FNBP1: variants seen among roughly 807,000 people sequenced by gnomAD.
FNBP1 encodes the protein formin-binding protein 1.
FNBP1 carries 26 observed loss-of-function variants against 90.6 expected under a neutral mutation model. That is an observed-to-expected ratio of 0.29 (90% confidence interval 0.21 to 0.40). The LOEUF (loss-of-function observed/expected upper bound fraction) is 0.40, where lower values mean the gene tolerates loss of function less well. FNBP1 is among the 10% of genes least tolerant of loss of function. The probability of loss-of-function intolerance (pLI) is 1.00; values close to 1 mark genes in which losing one functional copy is unlikely to be tolerated. For synonymous variants in FNBP1, 260 were observed against 265.2 expected (o/e 0.98, Z 0.19); for missense variants, 635 against 768.0 (o/e 0.83, Z 2.05).
chr9:129,933,615 G>A (rs1244851435), intron 6 of FNBP1: 3 of 152,176 alleles, frequency 2.0e-5, no homozygotes, highest in Non-Finnish European at 2.9e-5. Context: ...AAGCTGTGTA[G>A]AAGATAATAA....
intron 1 of FNBP1, among the ~76,000 whole-genome samples, chr9:130,040,008 T>C (rs1347348912): frequency 6.6e-6 from 1 of 152,202 alleles, no homozygotes; most frequent in East Asian, 1.9e-4. Flanking sequence ...GAGCGCCCCA[T>C]CATTATCTCA....
chr9:129,896,079 T>A (rs1564250769), intron 15 of FNBP1, 83 bp from the exon 16 acceptor site: 2 of 1,420,242 alleles, frequency 1.4e-6, no homozygotes, highest in Non-Finnish European at 1.9e-6. Context: ...ATGAAACAAG[T>A]GTCGTCGAAG....
At chr9:130,013,231 C>T (rs544765566) in intron 1 of FNBP1, among the ~76,000 whole-genome samples, 227 of 152,194 alleles carry the variant, frequency 1.5e-3, no homozygotes, top group Middle Eastern at 0.01. Context: ...CCCCCTGCCT[C>T]GGCCTCCCAA....
chr9:129,900,200 CTCAGCGAGT>C lies in FNBP1; in HGVS notation c.1551-108_1551-100del. 7.5e-7 allele frequency: 1 copy of C among 1,340,466 alleles called. No homozygotes were observed. The highest frequency in any genetic ancestry group is 1.5e-5 in the South Asian group (1 of 64,678). The allele number at this position is 1,340,466 out of a possible 1,614,324, so 83.0% of individuals were successfully genotyped here. A position where few individuals can be genotyped will look rare whatever the true frequency, so the allele number is the denominator to read the frequency against. The stretch of plus-strand genomic sequence containing the variant: ...CTGGAGAGCACTTGCAACCCCGCCC[CTCAGCGAGT>C]GCTGTAACTGAGGCCATGGTAAATC... On this transcript the variant is annotated intron_variant, in intron 14 of 16. Transcript: ENST00000446176. The surrounding 1 kb of genome is among the most constrained non-coding windows in gnomAD (Gnocchi z 4.1).
intron 6 of FNBP1, among the ~76,000 whole-genome samples, chr9:129,939,441 T>C (rs2044003792): frequency 6.6e-6 from 1 of 152,108 alleles, no homozygotes; most frequent in Non-Finnish European, 1.5e-5. Flanking sequence ...AGTAATATAC[T>C]GTCAATGAAG....
chr9:129,935,513 A>G (rs1199000934), intron 6 of FNBP1, among the ~76,000 whole-genome samples: 2 of 150,284 alleles, frequency 1.3e-5, no homozygotes, highest in Non-Finnish European at 1.5e-5. Flanking sequence ...ATTGAGATGG[A>G]GTCTCACTCT....
chr9:129,926,448 C>T (rs1010205227), intron 8 of FNBP1, among the ~76,000 whole-genome samples: 6 of 152,148 alleles, frequency 3.9e-5, no homozygotes, highest in African/African-American at 1.4e-4. Context: ...GGACATGTGA[C>T]AATGTGTGGA....
At chr9:129,974,140 G>T (rs540221955) in intron 4 of FNBP1, among the ~76,000 whole-genome samples, 59 of 151,178 alleles carry the variant, frequency 3.9e-4, no homozygotes, top group Non-Finnish European at 7.4e-4. Flanking sequence ...CTTTTTCTAA[G>T]ACTAGCTGCA....
intron 15 of FNBP1, 55 bp downstream of exon 15, chr9:129,899,910 C>G: frequency 7.1e-7 from 1 of 1,415,206 alleles, no homozygotes; most frequent in Non-Finnish European, 9.4e-7. Flanking sequence ...AGAAGAGTAA[C>G]TCAGATATTA....
chr9:129,916,093 T>A, intron 10 of FNBP1, 113 bp from the exon 11 acceptor site: 1 of 735,028 alleles, frequency 1.4e-6, no homozygotes, highest in Non-Finnish European at 2.3e-6. Context: ...TCCGCCATAT[T>A]AAAATAACAC....
chr9:129,989,787 C>T (rs1283856033), intron 2 of FNBP1, among the ~76,000 whole-genome samples: 1 of 152,158 alleles, frequency 6.6e-6, no homozygotes. Flanking sequence ...CCTGTAATCC[C>T]AGCACTTTGG....
intron 1 of FNBP1, among the ~76,000 whole-genome samples, chr9:130,023,702 A>ACTT (rs2058073677): frequency 6.6e-6 from 1 of 151,460 alleles, no homozygotes. Context: ...CTGGGTTCCT[A>ACTT]AGTGTTCTCC....
intron 1 of FNBP1, among the ~76,000 whole-genome samples, chr9:129,995,902 T>C (rs900624032): frequency 1.6e-4 from 25 of 152,064 alleles, no homozygotes; most frequent in Non-Finnish European, 2.6e-4. Flanking sequence ...CAAGAGGACT[T>C]GGAAGAGAAA....
intron 2 of FNBP1, among the ~76,000 whole-genome samples, chr9:129,991,128 G>A (rs2053084215): frequency 6.6e-6 from 1 of 151,768 alleles, no homozygotes; most frequent in African/African-American, 2.4e-5. Flanking sequence ...TAGAGACAGG[G>A]TTTCACCATG....
chr9:129,924,018 G>A lies in FNBP1; in HGVS notation c.996C>T (p.Ser332=). ...WPFIKKNKLM[S]LLTSPHQPPP... ...GAGGCTGATGGGGGGATGTTAAAAG[G>A]GACATAAGCTACATGTAAGAGATGG... Residue 332 remains serine, a synonymous_variant, in exon 10 of 17, where the codon TCC becomes TCT. Transcript: ENST00000446176. 1.3e-6 allele frequency: 2 copies of A among 1,513,476 alleles called. No homozygotes were observed. The highest frequency in any genetic ancestry group is 2.7e-5 in the East Asian group (1 of 37,530). 93.8% of individuals were successfully genotyped at this position (1,513,476 alleles called of 1,614,324 possible).
At chr9:129,951,392 G>A (rs1416057252) in intron 6 of FNBP1, among the ~76,000 whole-genome samples, 1 of 151,114 alleles carries the variant, frequency 6.6e-6, no homozygotes, top group African/African-American at 2.4e-5. Context: ...TCATGCCCAG[G>A]TGACTTGTAC....
At chr9:130,010,263 C>T (rs1016563914) in intron 1 of FNBP1, among the ~76,000 whole-genome samples, 6 of 152,152 alleles carry the variant, frequency 3.9e-5, no homozygotes, top group African/African-American at 1.4e-4. Flanking sequence ...CCATCCATCC[C>T]ATCTTCCCTT....
At chr9:129,975,511 A>G (rs191935380) in intron 4 of FNBP1, among the ~76,000 whole-genome samples, 1 of 152,310 alleles carries the variant, frequency 6.6e-6, no homozygotes, top group East Asian at 1.9e-4. Flanking sequence ...TTTGATTAAC[A>G]AAAGGAACTA....
chr9:129,892,364 T>TAG (rs1193755197), intron 16 of FNBP1, among the ~76,000 whole-genome samples: 4 of 90,752 alleles, frequency 4.4e-5, no homozygotes, highest in Admixed American at 1.4e-4. Flanking sequence ...AAGCACATCG[T>TAG]AGACACACAC....
Sources: gnomAD v4.1 joint callset for allele counts (sites outside exome capture counted in the v4.1 genomes callset) on GRCh38, gnomAD v4.1.1 for gene constraint, Gnocchi (gnomAD v3.1) non-coding constraint, MANE v1.5 for transcripts, NCBI Gene and HGNC (gene_info 2026-07-23, HGNC 2026-07-21) for gene names.